PXDC1: variants seen among roughly 807,000 people sequenced by gnomAD.
PXDC1 encodes PX domain containing 1.
In PXDC1, 13 loss-of-function variants were observed where a neutral mutation model predicts 24.4. The observed-to-expected ratio is 0.53, with a 90% CI of 0.35 to 0.85. The LOEUF is 0.85. Among genes scored for constraint, PXDC1 ranks in the 40% least tolerant of loss-of-function variants. The probability of loss-of-function intolerance (pLI) is 0.01; values close to 1 mark genes in which losing one functional copy is unlikely to be tolerated. For missense variants in PXDC1, 344 were observed against 309.3 expected (o/e 1.11, Z -0.84); for synonymous variants, 162 against 124.9 (o/e 1.30, Z -1.98).
At chr6:3,742,434 C>G (rs1172444232) in intron 1 of PXDC1, among the ~76,000 whole-genome samples, 1 of 152,120 alleles carries the variant, frequency 6.6e-6, no homozygotes, top group Non-Finnish European at 1.5e-5. Context: ...GGTTCCTGTC[C>G]GACTTGGTTT....
At position 3,751,476 on chromosome 6, in the gene PXDC1, C is replaced by A. The variant is rs777702970; in HGVS notation, c.56G>T (p.Cys19Phe). Reference sequence around the variant, plus strand: ...GAGCCTGCGGATGCCGTTCACCCAGCAGCCGCGCACGAACATGTTCACGAG... The same window carrying A: ...GAGCCTGCGGATGCCGTTCACCCAGAAGCCGCGCACGAACATGTTCACGAG... ...TSLVNMFVRG[C>F]WVNGIRRLIV... The change falls in exon 1 of 5, where the codon TGC (cysteine) becomes TTC (phenylalanine). Residue 19 changes from cysteine (C) to phenylalanine (F), a missense_variant. Cys to Phe is a radical substitution (Grantham distance 205, BLOSUM62 -2). Coordinates refer to ENST00000380283, the MANE Select transcript of PXDC1 (RefSeq NM_183373.4). 6.2e-7 allele frequency: 1 copy of A among 1,604,286 alleles called. No individual in the cohort carries two copies. Among genetic ancestry groups the A allele is most frequent in the Admixed American group, 1.7e-5 (1 of 59,448 alleles).
chr6:3,747,056 T>C (rs1362729518), intron 1 of PXDC1, among the ~76,000 whole-genome samples: 1 of 152,134 alleles, frequency 6.6e-6, no homozygotes, highest in Non-Finnish European at 1.5e-5. Context: ...CCACATGGGC[T>C]GGCGGGCTTG....
At chr6:3,738,888 C>T (rs911966102) in intron 1 of PXDC1, 8 of 1,302,758 alleles carry the variant, frequency 6.1e-6, no homozygotes, top group Non-Finnish European at 7.1e-6. Flanking sequence ...TATCCGTCGG[C>T]TTTGCAGGGA....
intron 2 of PXDC1, 34 bp downstream of exon 2, chr6:3,738,023 C>T (rs759376824): frequency 6.4e-7 from 1 of 1,566,972 alleles, no homozygotes; most frequent in Non-Finnish European, 8.7e-7. Flanking sequence ...CACCTCCCAC[C>T]TCCCTGCCCA....
intron 1 of PXDC1, among the ~76,000 whole-genome samples, chr6:3,741,674 C>T (rs1760451131): frequency 6.6e-6 from 1 of 152,230 alleles, no homozygotes; most frequent in Admixed American, 6.5e-5. Flanking sequence ...AACTGGGCTG[C>T]TGTTGCTCCA....
chr6:3,738,058 T>C lies in PXDC1; in HGVS notation c.347A>G (p.Lys116Arg), dbSNP rs1247202079. 6.2e-7 allele frequency: 1 copy of C among 1,613,678 alleles called. No homozygotes were observed. Among genetic ancestry groups the C allele is most frequent in the Non-Finnish European group, 8.5e-7 (1 of 1,179,674 alleles). The part of the protein sequence containing the change: ...LLKTIISMPC[K>R]YSRSEVVLTF... ...AGCCCGGGGCCTGGCCACACTCACT[T>C]TACAGGGCATGCTTATGATCGTCTT... Residue 116 changes from lysine (K) to arginine (R), a missense_variant and splice_region_variant, in exon 2 of 5, where the codon AAA (lysine) becomes AGA (arginine). By Grantham distance (26) the Lys-to-Arg change is conservative. Coordinates refer to ENST00000380283, the MANE Select transcript of PXDC1 (RefSeq NM_183373.4).
chr6:3,749,921 T>C (rs1320310065), intron 1 of PXDC1, among the ~76,000 whole-genome samples: 1 of 152,240 alleles, frequency 6.6e-6, no homozygotes, highest in Non-Finnish European at 1.5e-5. Context: ...GCTTTCCTGA[T>C]TTGGGCATTG....
At chr6:3,747,160 A>C (rs1760589680) in intron 1 of PXDC1, among the ~76,000 whole-genome samples, 2 of 149,760 alleles carry the variant, frequency 1.3e-5, no homozygotes, top group African/African-American at 4.9e-5. Flanking sequence ...CCTCCTGCCG[A>C]CTCCCCCATG....
In PXDC1 at chr6:3,724,181, A is replaced by C. The variant is rs1043950317; in HGVS notation, c.579-445T>G. On this transcript the variant is annotated intron_variant, in intron 4 of 4. Coordinates refer to ENST00000380283, the MANE Select transcript of PXDC1 (RefSeq NM_183373.4). This position sits in a 1 kb window ranked among gnomAD's most constrained non-coding sequence, Gnocchi z 4.5. ...CAGAGATGACACACGGACGCACAGG[A>C]GGCTGCGAGGGAACAGGAGGCTGGA... 5.9e-5 allele frequency among the ~76,000 whole-genome samples: 9 copies of C among 152,050 alleles called. No individual in the cohort carries two copies. The highest frequency in any genetic ancestry group is 1.7e-4 in the African/African-American group (7 of 41,414).
chr6:3,744,081 G>C (rs1760509738), intron 1 of PXDC1, among the ~76,000 whole-genome samples: 1 of 152,210 alleles, frequency 6.6e-6, no homozygotes, highest in Non-Finnish European at 1.5e-5. Context: ...ACTGAGCTCT[G>C]CTCTGCTCTT....
intron 1 of PXDC1, among the ~76,000 whole-genome samples, chr6:3,744,424 G>A (rs1231590575): frequency 6.6e-6 from 1 of 152,088 alleles, no homozygotes; most frequent in Non-Finnish European, 1.5e-5. Context: ...GCAAATCCAG[G>A]TGCCAGGAGG....
intron 1 of PXDC1, among the ~76,000 whole-genome samples, chr6:3,743,053 A>G (rs1760483804): frequency 6.6e-6 from 1 of 152,218 alleles, no homozygotes; most frequent in African/African-American, 2.4e-5. Flanking sequence ...CCGCTTCCGG[A>G]TCTCAGAAAC....
chr6:3,747,372 A>G (rs1760594222), intron 1 of PXDC1, among the ~76,000 whole-genome samples: 1 of 152,002 alleles, frequency 6.6e-6, no homozygotes, highest in Non-Finnish European at 1.5e-5. Flanking sequence ...GCTCTTTCCC[A>G]GCACAGCAGC....
At chr6:3,747,952 T>A (rs1760606723) in intron 1 of PXDC1, among the ~76,000 whole-genome samples, 1 of 152,174 alleles carries the variant, frequency 6.6e-6, no homozygotes, top group Non-Finnish European at 1.5e-5. Context: ...GAATGAAAGA[T>A]CACCTGACTA....
chr6:3,746,845 T>A (rs1435265834), intron 1 of PXDC1, among the ~76,000 whole-genome samples: 1 of 152,038 alleles, frequency 6.6e-6, no homozygotes, highest in Non-Finnish European at 1.5e-5. Context: ...GTTCAGGCCC[T>A]GGGATCAAAT....
rs1392955846 is a variant in PXDC1 at position 3,722,750 on chromosome 6, G to A, written c.*869C>T. 1.3e-5 allele frequency: 2 copies of A among 152,654 alleles called. No homozygotes were observed. The highest frequency in any genetic ancestry group is 4.8e-5 in the African/African-American group (2 of 41,446). 9.5% of individuals were successfully genotyped at this position (152,654 alleles called of 1,614,324 possible). Reference sequence around the variant, plus strand: ...TAGTAGACACTGAGCAGAGAAGCTTGAAGAACGGGGATCCTCTCCTGTGGG... The same window carrying A: ...TAGTAGACACTGAGCAGAGAAGCTTAAAGAACGGGGATCCTCTCCTGTGGG... On this transcript the variant is annotated 3_prime_UTR_variant, in exon 5 of 5. Coordinates refer to ENST00000380283, the MANE Select transcript of PXDC1 (RefSeq NM_183373.4).
rs1408798167 is a variant in PXDC1, at chr6:3,737,782, C to T, written c.348+275G>A. On this transcript the variant is annotated intron_variant, in intron 2 of 4. Transcript: ENST00000380283. The surrounding 1 kb of genome is among the most constrained non-coding windows in gnomAD (Gnocchi z 5.5). ...TCCTGCAGCCAGAGGGGATCCGCAC[C>T]CTTCCACCCATGCCTCCTTGCATCC... The T allele has an allele frequency of 4.7e-6, 3 of 632,132 alleles. No homozygotes were observed. The African/African-American group carries it at 6.0e-5, about 13-fold the overall frequency. The allele number at this position is 632,132 out of a possible 1,614,324, so 39.2% of individuals were successfully genotyped here.
intron 3 of PXDC1, among the ~76,000 whole-genome samples, chr6:3,732,300 T>A (rs184256950): frequency 6.6e-6 from 1 of 152,342 alleles, no homozygotes; most frequent in Non-Finnish European, 1.5e-5. Flanking sequence ...CCCACTGTAT[T>A]TCCCATGTAC....
intron 3 of PXDC1, among the ~76,000 whole-genome samples, chr6:3,732,346 G>C (rs996683978): frequency 1.3e-5 from 2 of 152,192 alleles, no homozygotes; most frequent in African/African-American, 4.8e-5. Flanking sequence ...CAGTGCCCTT[G>C]TATTAACTGG....
Sources: gnomAD v4.1 joint callset for allele counts (sites outside exome capture counted in the v4.1 genomes callset) on GRCh38, gnomAD v4.1.1 for gene constraint, Gnocchi (gnomAD v3.1) non-coding constraint, MANE v1.5 for transcripts, NCBI Gene and HGNC (gene_info 2026-07-23, HGNC 2026-07-21) for gene names.